NF1: variants seen among roughly 807,000 people sequenced by gnomAD.
NF1 encodes the protein neurofibromin 1.
In NF1, 122 loss-of-function variants were observed where a neutral mutation model predicts 325.7. The observed-to-expected ratio is 0.37, with a 90% CI of 0.32 to 0.44. NF1 has a LOEUF of 0.44. Among genes scored for constraint, NF1 ranks in the 20% least tolerant of loss-of-function variants. The probability of loss-of-function intolerance (pLI) is 1.00; values close to 1 mark genes in which losing one functional copy is unlikely to be tolerated. For synonymous variants in NF1, 1,091 were observed against 1,186.0 expected, an observed-to-expected ratio of 0.92 and a Z score of 1.65; for missense variants, 2,140 against 3,415.4, an observed-to-expected ratio of 0.63 and a Z score of 9.31.
intron 36 of NF1, among the ~76,000 whole-genome samples, chr17:31,308,996 A>T (rs1024483425): frequency 1.5e-4 from 23 of 152,206 alleles, no homozygotes; most frequent in African/African-American, 5.3e-4. Flanking sequence ...GTGTTGTACT[A>T]TCCCAGTTTT....
At chr17:31,268,842 G>A (rs555126016) in intron 36 of NF1, among the ~76,000 whole-genome samples, 1 of 151,960 alleles carries the variant, frequency 6.6e-6, no homozygotes, top group African/African-American at 2.4e-5. Context: ...GGGACAACAG[G>A]TGTGTGCCAC....
At chr17:31,182,244 C>G (rs1246009919) in intron 7 of NF1, among the ~76,000 whole-genome samples, 1 of 152,104 alleles carries the variant, frequency 6.6e-6, no homozygotes, top group East Asian at 1.9e-4. Context: ...TGCATAAGGC[C>G]CTTCACAGTG....
At chr17:31,139,206 C>T (rs138126008) in intron 1 of NF1, among the ~76,000 whole-genome samples, 4 of 152,066 alleles carry the variant, frequency 2.6e-5, no homozygotes, top group Non-Finnish European at 4.4e-5. Flanking sequence ...TGCCACCATG[C>T]GTGGCTAAAT....
At chr17:31,176,764 A>T (rs1376946822) in intron 5 of NF1, among the ~76,000 whole-genome samples, 1 of 152,204 alleles carries the variant, frequency 6.6e-6, no homozygotes. Context: ...TTAAATAGGG[A>T]ATCCTTTCCC....
chr17:31,300,730 C>A (rs565428097), intron 36 of NF1, among the ~76,000 whole-genome samples: 1 of 152,058 alleles, frequency 6.6e-6, no homozygotes, highest in Admixed American at 6.6e-5. Context: ...TTACTAAATT[C>A]CTCTCCATTG....
intron 21 of NF1, 61 bp downstream of exon 21, chr17:31,229,526 C>T (rs527915697): frequency 1.9e-6 from 3 of 1,549,742 alleles, no homozygotes; most frequent in South Asian, 2.3e-5. Flanking sequence ...TTGAAATAAG[C>T]CTTTTTCTTT....
chr17:31,151,251 A>T (rs1281832697), intron 1 of NF1, among the ~76,000 whole-genome samples: 3 of 152,158 alleles, frequency 2.0e-5, no homozygotes, highest in African/African-American at 7.2e-5. Flanking sequence ...TATACCATAT[A>T]GCCTAGAGGT....
At chr17:31,175,765 G>C (rs971967209) in intron 5 of NF1, among the ~76,000 whole-genome samples, 2 of 152,174 alleles carry the variant, frequency 1.3e-5, no homozygotes, top group African/African-American at 4.8e-5. Context: ...TTATGAGTGA[G>C]AACATGTGGT....
At chr17:31,181,259 G>C (rs2066126763) in intron 5 of NF1, among the ~76,000 whole-genome samples, 163 bp from the exon 6 acceptor site, 1 of 152,162 alleles carries the variant, frequency 6.6e-6, no homozygotes, top group Non-Finnish European at 1.5e-5. Context: ...TTTCCTAGCA[G>C]ACAACTATCG....
At chr17:31,238,381 C>T (rs1228734109) in intron 29 of NF1, among the ~76,000 whole-genome samples, 1 of 152,142 alleles carries the variant, frequency 6.6e-6, no homozygotes, top group Non-Finnish European at 1.5e-5. Context: ...CTTTATTTGA[C>T]TTAGAAGTTA....
intron 54 of NF1, 143 bp downstream of exon 54, chr17:31,357,512 G>A (rs2070303427): frequency 2.8e-6 from 2 of 716,928 alleles, no homozygotes; most frequent in South Asian, 1.5e-5. Context: ...GGTTTAATGA[G>A]GGTTAAGATT....
intron 36 of NF1, chr17:31,314,125 G>A: frequency 2.5e-6 from 1 of 397,194 alleles, no homozygotes; most frequent in Admixed American, 4.4e-5. Context: ...AGAAAAAGAG[G>A]AAGTTTATCA....
At chr17:31,332,681 C>A (rs34080442) in intron 39 of NF1, among the ~76,000 whole-genome samples, 52,150 of 69,728 alleles carry the variant, frequency 0.75, 22,921 homozygotes, top group South Asian at 0.85. Context: ...GCACCCACTA[C>A]TGTGTCATCT....
intron 36 of NF1, among the ~76,000 whole-genome samples, chr17:31,266,002 C>T (rs570619588): frequency 2.6e-5 from 4 of 152,042 alleles, no homozygotes; most frequent in Admixed American, 1.3e-4. Context: ...CAATCTGTGA[C>T]GTTATTTGGT....
chr17:31,157,682 A>G (rs2065687643), intron 2 of NF1, among the ~76,000 whole-genome samples: 1 of 151,810 alleles, frequency 6.6e-6, no homozygotes, highest in Non-Finnish European at 1.5e-5. Context: ...ACTGTAGGCC[A>G]GGCATGGTGG....
chr17:31,335,296 A>ATATATATATATATAT (rs1440930498), intron 40 of NF1, among the ~76,000 whole-genome samples: 5 of 50,044 alleles, frequency 1.0e-4, no homozygotes, highest in Admixed American at 2.5e-4. Flanking sequence ...ATATATATAT[A>ATATATATATATATAT]ATTATGCCTT....
At chr17:31,105,824 C>G (rs1043810756) in intron 1 of NF1, among the ~76,000 whole-genome samples, 1 of 152,168 alleles carries the variant, frequency 6.6e-6, no homozygotes, top group Non-Finnish European at 1.5e-5. Flanking sequence ...GAGAACTTAA[C>G]TTTTTCTGAT....
In NF1 at chr17:31,230,892, A is replaced by C; in HGVS notation, c.3164A>C (p.Gln1055Pro). Residue 1055 changes from glutamine to proline, a missense_variant, in exon 24 of 58, where the codon CAA becomes CCA. Around this residue, in one of 10 missense-constraint regions of NF1, gnomAD observed 380 missense variants for 639.3 expected, o/e 0.59. Coordinates refer to ENST00000358273, the MANE Select transcript of NF1 (RefSeq NM_001042492.3). ...GACTGGGTTATGGGAACATCAAACC[A>C]AGCAGCAGATGATGATGTAAAATGT... ...LTDWVMGTSN[Q>P]AADDDVKCLT... 6.2e-7 allele frequency: 1 copy of C among 1,611,522 alleles called. No homozygotes were observed. Among genetic ancestry groups the C allele is most frequent in the Non-Finnish European group, 8.5e-7 (1 of 1,178,824 alleles).
chr17:31,104,865 A>G (rs17878549), intron 1 of NF1, among the ~76,000 whole-genome samples: 3,693 of 152,290 alleles, frequency 0.024, 153 homozygotes, highest in African/African-American at 0.083. Flanking sequence ...TGTGATATAT[A>G]GTTATATTCT....
Sources: gnomAD v4.1 joint callset for allele counts (sites outside exome capture counted in the v4.1 genomes callset) on GRCh38, gnomAD v4.1.1 for gene constraint, gnomAD v4.1.1 regional missense constraint, MANE v1.5 for transcripts, NCBI Gene and HGNC (gene_info 2026-07-23, HGNC 2026-07-21) for gene names.